Variants in F5 observed in about 807,000 individuals in gnomAD.
F5 encodes the protein coagulation factor V.
In F5, 138 loss-of-function variants were observed where a neutral mutation model predicts 216.4. That is an observed-to-expected ratio of 0.64 (90% confidence interval 0.56 to 0.73). The LOEUF is 0.73. Among genes scored for constraint, F5 ranks in the 30% least tolerant of loss-of-function variants. F5 has a pLI of 0.00. For missense variants in F5, 2,403 were observed against 2,674.0 expected, an observed-to-expected ratio of 0.90 and a Z score of 2.24; for synonymous variants, 916 against 930.7, an observed-to-expected ratio of 0.98 and a Z score of 0.29.
intron 12 of F5, 112 bp downstream of exon 12, chr1:169,544,184 G>T: frequency 1.2e-6 from 1 of 824,258 alleles, no homozygotes; most frequent in Non-Finnish European, 2.0e-6. Flanking sequence ...AGCCTGCAGG[G>T]GGTCAGGGAG....
intron 4 of F5, among the ~76,000 whole-genome samples, chr1:169,559,640 A>G (rs1484921968): frequency 6.6e-6 from 1 of 151,702 alleles, no homozygotes; most frequent in Admixed American, 6.6e-5. Context: ...AGTTGGTAAA[A>G]GCATCATGCC....
chr1:169,575,903 G>C (rs927408137), intron 2 of F5, among the ~76,000 whole-genome samples: 1 of 152,144 alleles, frequency 6.6e-6, no homozygotes, highest in Non-Finnish European at 1.5e-5. Context: ...TAAGAATCTT[G>C]AGATGAGATT....
At chr1:169,567,582 C>A (rs2101837204) in intron 3 of F5, among the ~76,000 whole-genome samples, 1 of 149,322 alleles carries the variant, frequency 6.7e-6, no homozygotes, top group East Asian at 2.0e-4. Flanking sequence ...GACAAAGTAC[C>A]TGCTCAAAAT....
In F5 at chr1:169,541,743, C is replaced by A. The variant is rs1342816011; in HGVS notation, c.3347G>T (p.Gly1116Val). 1 of 1,613,992 alleles carries A rather than the reference C, an allele frequency of 6.2e-7. No individual in the cohort carries two copies. The highest frequency in any genetic ancestry group is 1.7e-5 in the Admixed American group (1 of 59,990). Residue 1116 changes from glycine to valine, a missense_variant, in exon 13 of 25, where the codon GGT (glycine) becomes GTT (valine). Around this residue, in one of 4 missense-constraint regions of F5, gnomAD observed 1,425 missense variants for 1,554.8 expected, o/e 0.92. Transcript: ENST00000367797. The stretch of plus-strand genomic sequence containing the variant: ...CTCTGGGGGCACTGTCTGATAAAGA[C>A]CTGGAGGACAGCTTGCCTGACCAGT... ...NDTGQASCPP[G>V]LYQTVPPEEH...
At chr1:169,585,314 A>G (rs1661078794) in intron 1 of F5, among the ~76,000 whole-genome samples, 1 of 152,168 alleles carries the variant, frequency 6.6e-6, no homozygotes, top group Non-Finnish European at 1.5e-5. Context: ...ATATTACATT[A>G]TTTTTTGGCA....
intron 4 of F5, among the ~76,000 whole-genome samples, 159 bp from the exon 5 acceptor site, chr1:169,559,455 G>T (rs1660410620): frequency 6.6e-6 from 1 of 152,046 alleles, no homozygotes; most frequent in Admixed American, 6.6e-5. Context: ...AGTAATAATG[G>T]TTCTAGGGTT....
chr1:169,580,388 GT>G (rs539235732), intron 2 of F5, among the ~76,000 whole-genome samples: 11,463 of 138,008 alleles, frequency 0.083, 470 homozygotes, highest in Middle Eastern at 0.12. Context: ...TGTTGTTGTT[GT>G]TTTTTTTTTT....
intron 3 of F5, among the ~76,000 whole-genome samples, chr1:169,563,614 T>C (rs1660530217): frequency 6.6e-6 from 1 of 152,140 alleles, no homozygotes; most frequent in South Asian, 2.1e-4. Context: ...ATCCAGTGTT[T>C]GTTGTATTAG....
chr1:169,515,904 G>T lies in F5; in HGVS notation c.6346-278C>A, dbSNP rs546486028. On this transcript the variant is annotated intron_variant, in intron 23 of 24. Transcript: ENST00000367797. ...GAGGCTTATTTCATTTTGTTTCCTG[G>T]TACTCACCACAATGTTAAGACACTC... 1.4e-4 allele frequency among the ~76,000 whole-genome samples: 22 copies of T among 151,942 alleles called. 1 individual carries two copies. The South Asian group carries it at 4.6e-3, about 32-fold the overall frequency.
rs1049710061 is a variant in F5, at chr1:169,514,118, A to G, written c.*195T>C. The G allele has an allele frequency of 8.5e-6, 5 of 584,882 alleles. No individual in the cohort carries two copies. The highest frequency in any genetic ancestry group is 1.5e-5 in the Non-Finnish European group (5 of 331,930). 36.2% of individuals were successfully genotyped at this position (584,882 alleles called of 1,614,324 possible). A position where few individuals can be genotyped will look rare whatever the true frequency, so the allele number is the denominator to read the frequency against. Reference sequence around the variant, plus strand: ...CTGTATTCAAATTAATGCAGAAGTAATAGCCATTATCTTACTTACTGGTAG... The same window carrying G: ...CTGTATTCAAATTAATGCAGAAGTAGTAGCCATTATCTTACTTACTGGTAG... On this transcript the variant is annotated 3_prime_UTR_variant, in exon 25 of 25. Transcript: ENST00000367797.
At chr1:169,551,803 G>C (rs1660173945) in intron 8 of F5, among the ~76,000 whole-genome samples, 1 of 152,118 alleles carries the variant, frequency 6.6e-6, no homozygotes, top group Non-Finnish European at 1.5e-5. Context: ...ATTCTCTGCT[G>C]TCCAATTCTT....
At chr1:169,582,152 G>A (rs186327706) in intron 2 of F5, among the ~76,000 whole-genome samples, 5 of 152,256 alleles carry the variant, frequency 3.3e-5, no homozygotes, top group Non-Finnish European at 7.4e-5. Context: ...CAGCTTCATG[G>A]GTATGTGACC....
At position 169,513,123 on chromosome 1, in the gene F5, TGAGA is replaced by T. The variant is rs1659069440; in HGVS notation, c.*1186_*1189del. ...GTTCTAATTTGATTTCTCTGTGGTCTGAGAGATTGTTATGAATTTCGTTGATAAA... is the reference window on the plus strand; with the variant it reads ...GTTCTAATTTGATTTCTCTGTGGTCTGATTGTTATGAATTTCGTTGATAAA... On this transcript the variant is annotated 3_prime_UTR_variant, in exon 25 of 25. Coordinates refer to ENST00000367797, the MANE Select transcript of F5 (RefSeq NM_000130.5). Among the ~76,000 whole-genome samples, 1 of 152,104 alleles carries T rather than the reference TGAGA, an allele frequency of 6.6e-6. No homozygotes were observed. Among genetic ancestry groups the T allele is most frequent in the Non-Finnish European group, 1.5e-5 (1 of 67,998 alleles).
In F5 at chr1:169,542,378, C is replaced by A. The variant is rs146379062; in HGVS notation, c.2712G>T (p.Met904Ile). Residue 904 changes from methionine to isoleucine, a missense_variant, in exon 13 of 25, where the codon ATG becomes ATT. Physicochemically the swap from Met to Ile is conservative, Grantham distance 10. This residue lies in a region of F5 where 1,425 missense variants were observed against 1,554.8 expected (regional missense o/e 0.92). Transcript: ENST00000367797. ...GGCTAGGAAGGTCCTCCCAGGGCCTCATTCCGGAAGGAGAACCAGTGTCTT... is the reference window on the plus strand; with the variant it reads ...GGCTAGGAAGGTCCTCCCAGGGCCTAATTCCGGAAGGAGAACCAGTGTCTT... ...LSQDTGSPSGMRPWEDLPSQD... is the reference protein window; with the variant it reads ...LSQDTGSPSGIRPWEDLPSQD... The A allele has an allele frequency of 5.0e-6, 8 of 1,613,922 alleles. No homozygotes were observed. The African/African-American group carries it at 1.1e-4, about 22-fold the overall frequency.
intron 18 of F5, among the ~76,000 whole-genome samples, 189 bp from the exon 19 acceptor site, chr1:169,525,097 A>G (rs747284574): frequency 6.6e-6 from 1 of 152,174 alleles, no homozygotes; most frequent in Admixed American, 6.5e-5. Flanking sequence ...GCTTTAATAG[A>G]TATAGTGGCA....
chr1:169,526,885 T>C (rs959992813), intron 17 of F5, among the ~76,000 whole-genome samples: 7 of 150,820 alleles, frequency 4.6e-5, no homozygotes, highest in Non-Finnish European at 1.0e-4. Flanking sequence ...ATTAATTAAT[T>C]AATATGATAT....
rs1660658678 is a variant in F5, at chr1:169,568,515, A to G, written c.373+3706T>C. Among the ~76,000 whole-genome samples the G allele has an allele frequency of 2.0e-5, 3 of 147,192 alleles. 1 individual carries two copies. The South Asian group carries it at 6.7e-4, about 33-fold the overall frequency. On this transcript the variant is annotated intron_variant, in intron 3 of 24. Coordinates refer to ENST00000367797, the MANE Select transcript of F5 (RefSeq NM_000130.5). The stretch of plus-strand genomic sequence containing the variant: ...GCATTTGTGAGATGCAGTTTTGGTG[A>G]ATGTGATTTTGACTTTGTAATCAAA...
intron 8 of F5, among the ~76,000 whole-genome samples, chr1:169,551,461 C>G (rs1304150878): frequency 1.3e-5 from 2 of 152,044 alleles, no homozygotes; most frequent in South Asian, 4.2e-4. Flanking sequence ...GGGGGAAAAG[C>G]TACTTGCTTG....
At chr1:169,518,054 T>G (rs574274339) in intron 23 of F5, among the ~76,000 whole-genome samples, 1 of 152,288 alleles carries the variant, frequency 6.6e-6, no homozygotes, top group African/African-American at 2.4e-5. Flanking sequence ...TACATATTGT[T>G]TATGGCTACT....
Sources: gnomAD v4.1 joint callset for allele counts (sites outside exome capture counted in the v4.1 genomes callset) on GRCh38, gnomAD v4.1.1 for gene constraint, gnomAD v4.1.1 regional missense constraint, MANE v1.5 for transcripts, NCBI Gene and HGNC (gene_info 2026-07-23, HGNC 2026-07-21) for gene names.